Variants in MCTP2 observed in about 807,000 individuals in gnomAD.
MCTP2 encodes multiple C2 and transmembrane domain-containing protein 2.
In MCTP2, 132 loss-of-function variants were observed where a neutral mutation model predicts 111.6. That is an observed-to-expected ratio of 1.18 (90% CI 1.03 to 1.37). The LOEUF (loss-of-function observed/expected upper bound fraction) is 1.37, where lower values mean the gene tolerates loss of function less well. Ranked by LOEUF, MCTP2 falls within the 40% of genes most tolerant of loss-of-function variation. The pLI is 0.00. For synonymous variants in MCTP2, 395 were observed against 387.7 expected (o/e 1.02, Z -0.22); for missense variants, 1,183 against 1,067.9 (o/e 1.11, Z -1.50).
At chr15:94,432,462 T>G (rs944137547) in intron 17 of MCTP2, among the ~76,000 whole-genome samples, 1 of 152,176 alleles carries the variant, frequency 6.6e-6, no homozygotes, top group Non-Finnish European at 1.5e-5. Context: ...CTTTGACCAA[T>G]GTTGGGTCAA....
intron 17 of MCTP2, among the ~76,000 whole-genome samples, chr15:94,439,073 T>C (rs1296047798): frequency 1.3e-5 from 2 of 152,202 alleles, no homozygotes; most frequent in Non-Finnish European, 2.9e-5. Context: ...AGGCTGCTAA[T>C]GTTAAAAATA....
rs770256665 is a variant in MCTP2, at chr15:94,470,324, T to A, written c.2361-9T>A. ...CAGAGGAAATTATATTTATGTGGTT[T>A]GTCTACAGCACATTTAACTGGACGG... On this transcript the variant is annotated splice_polypyrimidine_tract_variant and intron_variant, in intron 20 of 22. Coordinates refer to ENST00000357742, the MANE Select transcript of MCTP2 (RefSeq NM_001385001.1). 2 of 1,582,680 alleles carry A rather than the reference T, an allele frequency of 1.3e-6. No individual in the cohort carries two copies. Among genetic ancestry groups the A allele is most frequent in the Non-Finnish European group, 8.7e-7 (1 of 1,151,724 alleles).
intron 14 of MCTP2, among the ~76,000 whole-genome samples, chr15:94,393,787 C>G (rs1169704475): frequency 6.6e-6 from 1 of 152,132 alleles, no homozygotes; most frequent in African/African-American, 2.4e-5. Context: ...CGGTGGCTCA[C>G]ACCTGTAATC....
intron 1 of MCTP2, among the ~76,000 whole-genome samples, chr15:94,239,057 T>TAAAAACAAAAATACCAAAATC: frequency 6.6e-6 from 1 of 151,356 alleles, no homozygotes; most frequent in East Asian, 1.9e-4. Flanking sequence ...ACACCCAAAT[T>TAAAAACAAAAATACCAAAATC]AAAAACAAAA....
At chr15:94,418,349 A>G (rs895194782) in intron 17 of MCTP2, among the ~76,000 whole-genome samples, 5 of 152,110 alleles carry the variant, frequency 3.3e-5, no homozygotes, top group Non-Finnish European at 5.9e-5. Context: ...CTCTTCATCT[A>G]CCTACCTTTA....
intron 1 of MCTP2, among the ~76,000 whole-genome samples, chr15:94,261,040 A>G (rs1567292782): frequency 1.3e-5 from 2 of 152,070 alleles, no homozygotes; most frequent in African/African-American, 4.8e-5. Context: ...CTTTCTATTG[A>G]TGATTCTTTT....
At chr15:94,338,132 C>T (rs10152460) in intron 4 of MCTP2, among the ~76,000 whole-genome samples, 26,063 of 152,068 alleles carry the variant, frequency 0.17, 2,692 homozygotes, top group East Asian at 0.31. Context: ...ATTGGCTTGA[C>T]GTTGCTATCA....
At chr15:94,469,868 TCAAAAAAGA>T (rs768850014) in intron 20 of MCTP2, among the ~76,000 whole-genome samples, 34 of 150,446 alleles carry the variant, frequency 2.3e-4, no homozygotes, top group Non-Finnish European at 3.5e-4. Flanking sequence ...AGATCCTGTC[TCAAAAAAGA>T]CAAAAAAGAA....
chr15:94,352,520 G>A (rs1029255715), intron 8 of MCTP2, among the ~76,000 whole-genome samples: 2 of 152,148 alleles, frequency 1.3e-5, no homozygotes, highest in East Asian at 3.8e-4. Flanking sequence ...AAACCCTGAT[G>A]TACTGTATTG....
intron 1 of MCTP2, among the ~76,000 whole-genome samples, chr15:94,248,687 A>T (rs1186800905): frequency 6.6e-6 from 1 of 152,198 alleles, no homozygotes; most frequent in Admixed American, 6.5e-5. Context: ...TTTAAGTCTA[A>T]ATCTTTTCAA....
At chr15:94,351,948 G>A (rs1439135313) in intron 8 of MCTP2, among the ~76,000 whole-genome samples, 1 of 152,128 alleles carries the variant, frequency 6.6e-6, no homozygotes, top group Non-Finnish European at 1.5e-5. Context: ...GCACCACCTG[G>A]CCTCGGACAG....
rs372254409 is a variant in MCTP2, at chr15:94,476,777, C to G, written c.2552C>G (p.Pro851Arg). Residue 851 changes from proline (P) to arginine (R), a missense_variant, in exon 22 of 23, where the codon CCG becomes CGG. Coordinates refer to ENST00000357742, the MANE Select transcript of MCTP2 (RefSeq NM_001385001.1). ...NELLDFLSRV[P>R]SDVQKVQYAE... is the part of the protein sequence containing the mutation. ...CTACTAGACTTCCTCTCTAGGGTACCGTCTGATGTTCAAAAGGTATGTAAT... is the reference window on the plus strand; with the variant it reads ...CTACTAGACTTCCTCTCTAGGGTACGGTCTGATGTTCAAAAGGTATGTAAT... 2 of 1,597,462 alleles carry G rather than the reference C, an allele frequency of 1.3e-6. No homozygotes were observed. The highest frequency in any genetic ancestry group is 2.2e-5 in the South Asian group (2 of 90,696).
intron 21 of MCTP2, among the ~76,000 whole-genome samples, chr15:94,476,204 C>T (rs2074334945): frequency 6.6e-6 from 1 of 152,172 alleles, no homozygotes; most frequent in African/African-American, 2.4e-5. Flanking sequence ...CTCTACCTCC[C>T]ACTGCTACGT....
At chr15:94,478,804 CTTCCTGCAAT>C (rs1201104000) in intron 22 of MCTP2, among the ~76,000 whole-genome samples, 152 bp from the exon 23 acceptor site, 2 of 152,180 alleles carry the variant, frequency 1.3e-5, no homozygotes, top group Non-Finnish European at 2.9e-5. Flanking sequence ...TTCTCAAATC[CTTCCTGCAAT>C]TAATCCCTCC....
intron 8 of MCTP2, among the ~76,000 whole-genome samples, chr15:94,351,839 C>T (rs1173788319): frequency 1.3e-5 from 2 of 152,148 alleles, no homozygotes; most frequent in Non-Finnish European, 2.9e-5. Flanking sequence ...TTTAGATGGC[C>T]GTAGGCTGTG....
At chr15:94,276,823 G>A (rs1363883583) in intron 1 of MCTP2, among the ~76,000 whole-genome samples, 1 of 132,272 alleles carries the variant, frequency 7.6e-6, no homozygotes, top group African/African-American at 3.1e-5. Flanking sequence ...TCCATCTTAA[G>A]AGCTGTTAGT....
At chr15:94,477,917 G>C (rs1177146139) in intron 22 of MCTP2, among the ~76,000 whole-genome samples, 1 of 152,148 alleles carries the variant, frequency 6.6e-6, no homozygotes, top group Non-Finnish European at 1.5e-5. Flanking sequence ...TGACAGGTAT[G>C]TCATCCTCTG....
intron 14 of MCTP2, among the ~76,000 whole-genome samples, chr15:94,390,860 A>G (rs2080924924): frequency 6.6e-6 from 1 of 151,092 alleles, no homozygotes; most frequent in Non-Finnish European, 1.5e-5. Flanking sequence ...CTCCTGAATA[A>G]CTGGGATTAC....
At chr15:94,242,453 G>A (rs1243039329) in intron 1 of MCTP2, among the ~76,000 whole-genome samples, 2 of 152,086 alleles carry the variant, frequency 1.3e-5, no homozygotes, top group Admixed American at 6.6e-5. Flanking sequence ...GCCTGCCTAC[G>A]CTGTTATGTC....
Sources: allele counts gnomAD v4.1 joint callset (sites outside exome capture counted in the v4.1 genomes callset), GRCh38; gene constraint gnomAD v4.1.1; transcripts MANE v1.5; gene names NCBI Gene and HGNC (gene_info 2026-07-23, HGNC 2026-07-21).